The following STX8 variants were observed in gnomAD, a reference collection of about 807,000 sequenced individuals.
STX8 encodes syntaxin-8.
STX8 carries 23 observed loss-of-function variants against 37.5 expected under a neutral mutation model. The ratio of observed to expected loss-of-function variants is 0.61; its 90% CI spans 0.44 to 0.87. The LOEUF is 0.87. STX8 is among the 40% of genes least tolerant of loss of function. The pLI is 0.00. For missense variants in STX8, 313 were observed against 284.7 expected (o/e 1.10, Z -0.71); for synonymous variants, 115 against 99.1 (o/e 1.16, Z -0.95).
intron 6 of STX8, among the ~76,000 whole-genome samples, chr17:9,471,031 C>CTTTTTTTTTTT (rs757411419): frequency 0.011 from 375 of 33,048 alleles, 92 homozygotes; most frequent in Middle Eastern, 0.038. Flanking sequence ...CTGCATCCTG[C>CTTTTTTTTTTT]TTTTTTTTTT....
Position 9,551,594 on chromosome 17 carries a change from T to C in STX8, c.212+5840A>G, listed in dbSNP as rs138071896. On this transcript the variant is annotated intron_variant, in intron 3 of 7. Transcript: ENST00000306357. The stretch of plus-strand genomic sequence containing the variant: ...TGAGGCACAAAGAGGTTAAGTAACT[T>C]CCCCAGGGGTGTTGGTAACCACCTT... Among the ~76,000 whole-genome samples, 480 of 150,906 alleles carry C rather than the reference T, an allele frequency of 3.2e-3. 1 individual carries two copies. The highest frequency in any genetic ancestry group is 0.011 in the African/African-American group (464 of 40,412).
rs371273287 is a variant in STX8 at position 9,535,552 on chromosome 17, C to T, written c.323+9620G>A. 8.4e-4 allele frequency among the ~76,000 whole-genome samples: 126 copies of T among 150,632 alleles called. 1 individual carries two copies. The East Asian group carries it at 0.017, about 20-fold the overall frequency. On this transcript the variant is annotated intron_variant, in intron 4 of 7. Coordinates refer to ENST00000306357, the MANE Select transcript of STX8 (RefSeq NM_004853.3). ...GGTTCACACCATTCTCCTGCCTCAGCCTCCTGAGTAGCTGGGACTACAGGC... is the reference window on the plus strand; with the variant it reads ...GGTTCACACCATTCTCCTGCCTCAGTCTCCTGAGTAGCTGGGACTACAGGC...
intron 6 of STX8, among the ~76,000 whole-genome samples, chr17:9,431,876 A>G (rs1350065935): frequency 3.3e-5 from 5 of 152,162 alleles, no homozygotes; most frequent in Non-Finnish European, 5.9e-5. Context: ...TTCTGAAGTC[A>G]GAGTGTTCCT....
chr17:9,339,602 C>T (rs943040577), intron 7 of STX8, among the ~76,000 whole-genome samples: 3 of 151,914 alleles, frequency 2.0e-5, no homozygotes, highest in Non-Finnish European at 2.9e-5. Flanking sequence ...TGCAGTGAGC[C>T]GAGATCGCGC....
intron 2 of STX8, among the ~76,000 whole-genome samples, chr17:9,560,912 G>A (rs1907208195): frequency 6.6e-6 from 1 of 152,104 alleles, no homozygotes. Flanking sequence ...AACAGCTTCA[G>A]TAGTGCAACA....
At chr17:9,400,953 T>C (rs2142318559) in intron 6 of STX8, among the ~76,000 whole-genome samples, 1 of 152,318 alleles carries the variant, frequency 6.6e-6, no homozygotes, top group East Asian at 1.9e-4. Context: ...TTCCAGCTTC[T>C]AGAGAATCTC....
intron 6 of STX8, among the ~76,000 whole-genome samples, chr17:9,404,459 T>C (rs1912738101): frequency 1.5e-5 from 2 of 136,012 alleles, no homozygotes; most frequent in Admixed American, 7.4e-5. Context: ...AAGTCAAAAG[T>C]AGTCTTTTTT....
chr17:9,436,239 G>T (rs56041440), intron 6 of STX8, among the ~76,000 whole-genome samples: 4 of 151,996 alleles, frequency 2.6e-5, no homozygotes, highest in Admixed American at 2.6e-4. Flanking sequence ...CAGCTACTTG[G>T]GGGGCTGAGG....
At chr17:9,543,439 G>A (rs1318396967) in intron 4 of STX8, among the ~76,000 whole-genome samples, 1 of 152,004 alleles carries the variant, frequency 6.6e-6, no homozygotes, top group Admixed American at 6.6e-5. Flanking sequence ...GACTACAGGT[G>A]CCCGCCACCA....
At chr17:9,494,238 A>C (rs1326872082) in intron 5 of STX8, among the ~76,000 whole-genome samples, 6 of 151,568 alleles carry the variant, frequency 4.0e-5, no homozygotes, top group African/African-American at 9.7e-5. Flanking sequence ...GATGGTCTCG[A>C]GCTCCTGACC....
intron 7 of STX8, among the ~76,000 whole-genome samples, chr17:9,313,313 G>A (rs1213081483): frequency 1.3e-5 from 2 of 152,126 alleles, no homozygotes; most frequent in Non-Finnish European, 2.9e-5. Flanking sequence ...TGAAGATGTC[G>A]ACATCCACTG....
chr17:9,538,479 G>A (rs151035519), intron 4 of STX8, among the ~76,000 whole-genome samples: 2 of 152,142 alleles, frequency 1.3e-5, no homozygotes, highest in African/African-American at 4.8e-5. Context: ...CATTTTTAAT[G>A]TTAGAATTTA....
At chr17:9,364,782 C>T (rs1239649334) in intron 7 of STX8, among the ~76,000 whole-genome samples, 1 of 152,118 alleles carries the variant, frequency 6.6e-6, no homozygotes, top group East Asian at 1.9e-4. Context: ...GATCCACCCG[C>T]CTCGGCCTCC....
intron 7 of STX8, among the ~76,000 whole-genome samples, chr17:9,307,643 C>G (rs1909046006): frequency 6.6e-6 from 1 of 152,144 alleles, no homozygotes; most frequent in East Asian, 1.9e-4. Context: ...CAGTTTCCCA[C>G]TATTGTTTAT....
chr17:9,545,233 T>C lies in STX8; in HGVS notation c.262A>G (p.Thr88Ala). ...RRQNLLDDLVTRERLLLASFK... is the reference protein window; with the variant it reads ...RRQNLLDDLVARERLLLASFK... Reference sequence around the variant, plus strand: ...GATGCCAGAAGTAGTCTCTCTCGAGTTACAAGATCATCCAAGAGGTTCTGT... The same window carrying C: ...GATGCCAGAAGTAGTCTCTCTCGAGCTACAAGATCATCCAAGAGGTTCTGT... Residue 88 changes from threonine (T) to alanine (A), a missense_variant, in exon 4 of 8, where the codon ACT becomes GCT. Physicochemically the swap from Thr to Ala is moderately conservative, Grantham distance 58 (BLOSUM62 0). Transcript: ENST00000306357. The C allele has an allele frequency of 6.2e-7, 1 of 1,614,132 alleles. No individual in the cohort carries two copies. The highest frequency in any genetic ancestry group is 8.5e-7 in the Non-Finnish European group (1 of 1,179,998).
chr17:9,413,268 G>T (rs529978196), intron 6 of STX8, among the ~76,000 whole-genome samples: 2 of 152,322 alleles, frequency 1.3e-5, no homozygotes, highest in South Asian at 4.1e-4. Context: ...GGCTAAGTGG[G>T]TCTTTTCACT....
intron 6 of STX8, among the ~76,000 whole-genome samples, chr17:9,388,385 T>A (rs955448117): frequency 6.6e-6 from 1 of 151,686 alleles, no homozygotes; most frequent in African/African-American, 2.4e-5. Context: ...ACAACTCTAC[T>A]TTTTAAGTTA....
chr17:9,564,598 C>T (rs117810915), intron 2 of STX8, among the ~76,000 whole-genome samples: 3,647 of 152,256 alleles, frequency 0.024, 57 homozygotes, highest in South Asian at 0.036. Context: ...GAATGCACTC[C>T]TATTTACAAT....
At chr17:9,408,066 G>A (rs1382026211) in intron 6 of STX8, among the ~76,000 whole-genome samples, 1 of 152,120 alleles carries the variant, frequency 6.6e-6, no homozygotes, top group Non-Finnish European at 1.5e-5. Flanking sequence ...GTCTTGTAAT[G>A]TTACGCCAGA....
Sources: allele counts gnomAD v4.1 joint callset (sites outside exome capture counted in the v4.1 genomes callset), GRCh38; gene constraint gnomAD v4.1.1; transcripts MANE v1.5; gene names NCBI Gene and HGNC (gene_info 2026-07-23, HGNC 2026-07-21).